The following TMEM87A variants were observed in gnomAD, a reference collection of about 807,000 sequenced individuals.
TMEM87A encodes the protein Golgi-pH regulating cation channel.
In TMEM87A, 50 loss-of-function variants were observed where a neutral mutation model predicts 90.0. The observed-to-expected ratio is 0.56, with a 90% confidence interval of 0.44 to 0.70. The LOEUF is 0.70. Ranked by LOEUF, TMEM87A falls within the 30% of genes least tolerant of loss-of-function variation. TMEM87A has a pLI of 0.00. For synonymous variants in TMEM87A, 226 were observed against 226.7 expected, an observed-to-expected ratio of 1.00 and a Z score of 0.03; for missense variants, 577 against 660.5, an observed-to-expected ratio of 0.87 and a Z score of 1.39.
chr15:42,224,005 T>C (rs1360755002), intron 15 of TMEM87A, among the ~76,000 whole-genome samples: 1 of 152,202 alleles, frequency 6.6e-6, no homozygotes, highest in Non-Finnish European at 1.5e-5. Flanking sequence ...AGCCCACTCA[T>C]TAAATATTTC....
chr15:42,261,081 G>A (rs1394388482), intron 5 of TMEM87A, 79 bp from the exon 6 acceptor site: 1 of 1,548,652 alleles, frequency 6.5e-7, no homozygotes, highest in Non-Finnish European at 8.8e-7. Flanking sequence ...AGCCACTGGG[G>A]AAGCCTGCTC....
intron 7 of TMEM87A, among the ~76,000 whole-genome samples, chr15:42,240,108 T>C (rs2050843000): frequency 6.6e-6 from 1 of 152,212 alleles, no homozygotes; most frequent in Admixed American, 6.5e-5. Context: ...ATACTTTTCC[T>C]TACAACACAT....
chr15:42,270,634 T>C lies in TMEM87A; in HGVS notation c.205+1429A>G, dbSNP rs560079982. Among the ~76,000 whole-genome samples, 68 of 152,104 alleles carry C rather than the reference T, an allele frequency of 4.5e-4. 1 individual carries two copies. In the South Asian group the frequency reaches 0.012, roughly 28 times the overall value. On this transcript the variant is annotated intron_variant, in intron 2 of 19. Coordinates refer to ENST00000389834, the MANE Select transcript of TMEM87A (RefSeq NM_015497.5). ...TTGGTTTAACTTGGCAAAACACCAC[T>C]AGATCAAACTACACGAGAAAAAAAG...
chr15:42,247,358 C>T (rs1255664955), intron 6 of TMEM87A, among the ~76,000 whole-genome samples: 2 of 152,084 alleles, frequency 1.3e-5, no homozygotes, highest in African/African-American at 4.8e-5. Flanking sequence ...TGAAGTCCTT[C>T]CCTATGCCTA....
At chr15:42,220,973 T>C (rs1319793435) in intron 15 of TMEM87A, among the ~76,000 whole-genome samples, 1 of 151,876 alleles carries the variant, frequency 6.6e-6, no homozygotes, top group Admixed American at 6.6e-5. Flanking sequence ...TTGCATTTTT[T>C]TATTAAAAAT....
intron 2 of TMEM87A, among the ~76,000 whole-genome samples, chr15:42,270,227 C>T (rs1035199022): frequency 6.6e-6 from 1 of 150,580 alleles, no homozygotes; most frequent in Non-Finnish European, 1.5e-5. Flanking sequence ...AAAAATTAGC[C>T]GGCGTGGTGG....
intron 12 of TMEM87A, among the ~76,000 whole-genome samples, chr15:42,230,867 T>C (rs2050674662): frequency 6.6e-6 from 1 of 152,266 alleles, no homozygotes; most frequent in East Asian, 1.9e-4. Flanking sequence ...GCACAGCCAG[T>C]GACTCTAACA....
chr15:42,214,228 G>A (rs2050343756), intron 19 of TMEM87A, among the ~76,000 whole-genome samples: 1 of 152,038 alleles, frequency 6.6e-6, no homozygotes, highest in African/African-American at 2.4e-5. Context: ...TTCTTTAGTT[G>A]AGTCCTACCA....
chr15:42,251,891 T>C (rs1383425550), intron 6 of TMEM87A, among the ~76,000 whole-genome samples: 2 of 152,240 alleles, frequency 1.3e-5, no homozygotes, highest in Non-Finnish European at 2.9e-5. Context: ...CACTGAGCTG[T>C]GGTGGGCTCC....
At chr15:42,233,061 G>T in intron 11 of TMEM87A, 152 bp downstream of exon 11, 1 of 533,964 alleles carries the variant, frequency 1.9e-6, no homozygotes, top group South Asian at 2.9e-5. Context: ...ATTTAAAAGA[G>T]AACATGAACT....
chr15:42,233,078 A>T, intron 11 of TMEM87A, 135 bp downstream of exon 11: 1 of 638,300 alleles, frequency 1.6e-6, no homozygotes, highest in South Asian at 2.1e-5. Flanking sequence ...AACTATACAT[A>T]TATTTTGAAA....
chr15:42,228,681 T>A (rs375085218), intron 13 of TMEM87A, 31 bp downstream of exon 13: 3 of 1,578,386 alleles, frequency 1.9e-6, no homozygotes, highest in Non-Finnish European at 2.6e-6. Flanking sequence ...CAGATCACAT[T>A]TGAACTCCAA....
chr15:42,263,814 T>G (rs1459793987), intron 4 of TMEM87A, among the ~76,000 whole-genome samples: 1 of 152,240 alleles, frequency 6.6e-6, no homozygotes, highest in Non-Finnish European at 1.5e-5. Context: ...TTAATGCCAC[T>G]GTATTATACA....
At chr15:42,262,108 G>C (rs1305782144) in intron 4 of TMEM87A, 1 of 152,180 alleles carries the variant, frequency 6.6e-6, no homozygotes, top group African/African-American at 2.4e-5. Context: ...ACTGGAGGAG[G>C]AGAGGAAACC....
intron 2 of TMEM87A, among the ~76,000 whole-genome samples, 192 bp from the exon 3 acceptor site, chr15:42,268,224 C>T (rs541671273): frequency 6.6e-6 from 1 of 152,244 alleles, no homozygotes; most frequent in Admixed American, 6.5e-5. Flanking sequence ...TATTGTTGTT[C>T]ATAGAAAAAT....
At chr15:42,212,749 G>T (rs2050313902) in intron 19 of TMEM87A, among the ~76,000 whole-genome samples, 1 of 152,190 alleles carries the variant, frequency 6.6e-6, no homozygotes, top group South Asian at 2.1e-4. Context: ...GGTTGAAAAT[G>T]ATTTTCCTCA....
chr15:42,261,182 AT>A lies in TMEM87A; in HGVS notation c.459+13del, dbSNP rs2051283170. On this transcript the variant is annotated intron_variant, in intron 5 of 19. Coordinates refer to ENST00000389834, the MANE Select transcript of TMEM87A (RefSeq NM_015497.5). ...TTTACTGCACTCTCAGAAATATATAATGAAAACAATTACCTCCTGTTTTTCT... is the reference window on the plus strand; with the variant it reads ...TTTACTGCACTCTCAGAAATATATAAGAAAACAATTACCTCCTGTTTTTCT... 1.2e-6 allele frequency: 2 copies of A among 1,611,868 alleles called. No homozygotes were observed. Among genetic ancestry groups the A allele is most frequent in the African/African-American group, 2.7e-5 (2 of 74,788 alleles).
intron 6 of TMEM87A, among the ~76,000 whole-genome samples, chr15:42,250,604 T>G (rs1485629729): frequency 6.7e-6 from 1 of 149,932 alleles, no homozygotes; most frequent in Non-Finnish European, 1.5e-5. Context: ...ACTAACAGAT[T>G]GTCTGTTAGT....
At chr15:42,273,198 G>T (rs2051589507) in intron 1 of TMEM87A, 57 bp downstream of exon 1, 8 of 1,603,022 alleles carry the variant, frequency 5.0e-6, no homozygotes, top group African/African-American at 1.3e-5. Context: ...CCCTTGGGCC[G>T]CCGTAGCCCC....
Sources: gnomAD v4.1 joint callset for allele counts (sites outside exome capture counted in the v4.1 genomes callset) on GRCh38, gnomAD v4.1.1 for gene constraint, MANE v1.5 for transcripts, NCBI Gene and HGNC (gene_info 2026-07-23, HGNC 2026-07-21) for gene names.